Variants in CAPN2 observed in about 807,000 individuals in gnomAD.
The protein encoded by CAPN2 is calpain 2, also known as calpain-2 catalytic subunit.
CAPN2 carries 92 observed loss-of-function variants against 102.3 expected under a neutral mutation model. That is an observed-to-expected ratio of 0.90 (90% CI 0.76 to 1.07). The LOEUF (loss-of-function observed/expected upper bound fraction) is 1.07. Among genes scored for constraint, CAPN2 ranks in the 50% least tolerant of loss-of-function variants. The pLI, the probability that CAPN2 is intolerant of heterozygous loss-of-function variation, is 0.00. For synonymous variants in CAPN2, 340 were observed against 355.4 expected (o/e 0.96, Z 0.49); for missense variants, 800 against 909.4 (o/e 0.88, Z 1.55).
intron 2 of CAPN2, 97 bp downstream of exon 2, chr1:223,717,928 C>G: frequency 1.1e-6 from 1 of 894,862 alleles, no homozygotes; most frequent in Non-Finnish European, 1.8e-6. Flanking sequence ...CCTTCCCAAG[C>G]AGCTTGGCAA....
upstream of CAPN2, among the ~76,000 whole-genome samples, chr1:223,711,880 A>C (rs28370004): frequency 0.055 from 8,327 of 152,294 alleles, 299 homozygotes; most frequent in Admixed American, 0.073. Flanking sequence ...TACAGGTGTG[A>C]ACTACCGCAC....
chr1:223,719,890 G>A (rs1225110792), intron 2 of CAPN2, among the ~76,000 whole-genome samples: 1 of 152,170 alleles, frequency 6.6e-6, no homozygotes, highest in East Asian at 1.9e-4. Context: ...TTTTATTTTG[G>A]AGGACTCTAG....
chr1:223,765,883 T>C (rs1403904176), intron 15 of CAPN2, among the ~76,000 whole-genome samples: 2 of 152,192 alleles, frequency 1.3e-5, no homozygotes, highest in Admixed American at 6.5e-5. Flanking sequence ...AGGACTCACT[T>C]AGTGCAGCAC....
intron 2 of CAPN2, among the ~76,000 whole-genome samples, chr1:223,738,410 A>T (rs1228563867): frequency 6.6e-6 from 1 of 152,154 alleles, no homozygotes; most frequent in Non-Finnish European, 1.5e-5. Flanking sequence ...GGGCTCAAGA[A>T]ATCCTCCAGC....
Position 223,775,029 on chromosome 1 carries a change from C to T in CAPN2, c.*172C>T. ...TCAATTTGAGATAGCAGAAGTTTCA[C>T]ACATCAAAGTAAAAGATTTGCATAT... On this transcript the variant is annotated 3_prime_UTR_variant, in exon 21 of 21. Coordinates refer to ENST00000295006, the MANE Select transcript of CAPN2 (RefSeq NM_001748.5). The T allele has an allele frequency of 1.6e-6, 1 of 631,996 alleles. No individual in the cohort carries two copies. Among genetic ancestry groups the T allele is most frequent in the Non-Finnish European group, 2.8e-6 (1 of 359,252 alleles). The allele number at this position is 631,996 out of a possible 1,614,324, so 39.1% of individuals were successfully genotyped here.
At chr1:223,764,259 G>T in intron 15 of CAPN2, 52 bp downstream of exon 15, 1 of 1,483,882 alleles carries the variant, frequency 6.7e-7, no homozygotes, top group Non-Finnish European at 9.4e-7. Flanking sequence ...CCTGTGGATG[G>T]GAGGGAACAT....
rs975042961 is a variant in CAPN2 at position 223,727,461 on chromosome 1, G to A, written c.307+9630G>A. ...TGGGGGCTTGGCGGAGTTGGGGGGT[G>A]CATGGAATGCCCCCAGTTGAGAACC... On this transcript the variant is annotated intron_variant, in intron 2 of 20. Transcript: ENST00000295006. The surrounding 1 kb of genome is among the most constrained non-coding windows in gnomAD (Gnocchi z 4.1). Among the ~76,000 whole-genome samples the A allele has an allele frequency of 3.3e-5, 5 of 152,100 alleles. No individual in the cohort carries two copies. The highest frequency in any genetic ancestry group is 4.8e-5 in the African/African-American group (2 of 41,416).
Position 223,755,550 on chromosome 1 carries a change from G to C in CAPN2, c.1206G>C (p.Glu402Asp). ...AGGATGAGGACGAGGAGGATGGGGAGAGCGGCTGCACCTTCCTGGTGGGGC... is the reference window on the plus strand; with the variant it reads ...AGGATGAGGACGAGGAGGATGGGGACAGCGGCTGCACCTTCCTGGTGGGGC... ...EEEDEDEEDG[E>D]SGCTFLVGLI... Residue 402 changes from glutamate (E) to aspartate (D), a missense_variant, in exon 10 of 21, where the codon GAG becomes GAC. By Grantham distance (45) the Glu-to-Asp change is conservative. Coordinates refer to ENST00000295006, the MANE Select transcript of CAPN2 (RefSeq NM_001748.5). The surrounding 1 kb of genome is among the most constrained non-coding windows in gnomAD (Gnocchi z 4.1). 6.2e-7 allele frequency: 1 copy of C among 1,614,094 alleles called. No homozygotes were observed. The highest frequency in any genetic ancestry group is 8.5e-7 in the Non-Finnish European group (1 of 1,180,006).
chr1:223,732,233 A>G (rs936966753), intron 2 of CAPN2, among the ~76,000 whole-genome samples: 4 of 152,194 alleles, frequency 2.6e-5, no homozygotes, highest in African/African-American at 9.6e-5. Flanking sequence ...GGGTTCTTGG[A>G]TCCCGCTCAA....
upstream of CAPN2, among the ~76,000 whole-genome samples, chr1:223,708,218 G>C (rs1659653984): frequency 6.6e-6 from 1 of 152,192 alleles, no homozygotes; most frequent in Non-Finnish European, 1.5e-5. Flanking sequence ...CAAGAGTAAA[G>C]AAAGCAAAGC....
chr1:223,743,950 C>T (rs568930948), intron 2 of CAPN2, 150 bp from the exon 3 acceptor site: 157 of 662,790 alleles, frequency 2.4e-4, no homozygotes, highest in Admixed American at 1.2e-3. Flanking sequence ...ACCCTCTGAC[C>T]CAACCCTCAT....
intron 10 of CAPN2, 57 bp from the exon 11 acceptor site, chr1:223,757,309 GTGA>G: frequency 6.3e-7 from 1 of 1,584,912 alleles, no homozygotes; most frequent in South Asian, 1.1e-5. Flanking sequence ...GAAGAGCACA[GTGA>G]TGCATTTTCT....
chr1:223,771,629 AAAAG>A (rs2102817678), intron 18 of CAPN2, 176 bp from the exon 19 acceptor site: 1 of 602,834 alleles, frequency 1.7e-6, no homozygotes, highest in East Asian at 2.8e-5. Flanking sequence ...GTTCAAAAAC[AAAAG>A]AAACAGCAGA....
chr1:223,702,959 C>T (rs1659520142), intron 1 of CAPN2, among the ~76,000 whole-genome samples: 1 of 152,186 alleles, frequency 6.6e-6, no homozygotes, highest in Non-Finnish European at 1.5e-5. Flanking sequence ...GCAGTGGCAG[C>T]TGCTGGACAC....
chr1:223,761,147 G>A (rs1306631855), intron 12 of CAPN2, among the ~76,000 whole-genome samples: 1 of 152,216 alleles, frequency 6.6e-6, no homozygotes, highest in Admixed American at 6.5e-5. Context: ...GTTGGCAAAG[G>A]ATATTTCAAG....
intron 1 of CAPN2, among the ~76,000 whole-genome samples, chr1:223,705,710 G>A (rs1008650031): frequency 1.3e-5 from 2 of 152,178 alleles, no homozygotes; most frequent in African/African-American, 4.8e-5. Flanking sequence ...AAAGCATGCT[G>A]CTCTATATTT....
intron 19 of CAPN2, 66 bp from the exon 20 acceptor site, chr1:223,772,115 A>G: frequency 6.8e-7 from 1 of 1,478,472 alleles, no homozygotes; most frequent in East Asian, 2.3e-5. Context: ...TGCTGAACTG[A>G]AAAGAGGATA....
chr1:223,711,778 T>C (rs141000450), upstream of CAPN2, among the ~76,000 whole-genome samples: 68 of 152,346 alleles, frequency 4.5e-4, no homozygotes, highest in Admixed American at 9.8e-4. Context: ...GTATTTTTAG[T>C]AGAGACGGAA....
At chr1:223,704,041 A>G (rs1366772413) in intron 1 of CAPN2, among the ~76,000 whole-genome samples, 1 of 151,572 alleles carries the variant, frequency 6.6e-6, no homozygotes, top group Non-Finnish European at 1.5e-5. Flanking sequence ...CTGTAATCCG[A>G]GCACTTTGTG....
Sources: gnomAD v4.1 joint callset for allele counts (sites outside exome capture counted in the v4.1 genomes callset) on GRCh38, gnomAD v4.1.1 for gene constraint, Gnocchi (gnomAD v3.1) non-coding constraint, MANE v1.5 for transcripts, NCBI Gene and HGNC (gene_info 2026-07-23, HGNC 2026-07-21) for gene names.